NUMA1: variants seen among roughly 807,000 people sequenced by gnomAD.
NUMA1 encodes the protein SP-H antigen.
NUMA1 carries 62 observed loss-of-function variants against 237.1 expected under a neutral mutation model. The ratio of observed to expected loss-of-function variants is 0.26; its 90% CI spans 0.21 to 0.32. The LOEUF (loss-of-function observed/expected upper bound fraction) is 0.32, where lower values mean the gene tolerates loss of function less well. Ranked by LOEUF, NUMA1 falls within the 10% of genes least tolerant of loss-of-function variation. The pLI is 1.00. For synonymous variants in NUMA1, 1,028 were observed against 1,066.1 expected (o/e 0.96, Z 0.70); for missense variants, 2,533 against 2,666.5 (o/e 0.95, Z 1.10).
At chr11:72,010,694 C>T (rs947939596) in intron 17 of NUMA1, 92 bp downstream of exon 17, 12 of 1,305,340 alleles carry the variant, frequency 9.2e-6, no homozygotes, top group Admixed American at 1.8e-5. Flanking sequence ...GGGTGCCCCT[C>T]TTCTGCCCCG....
intron 2 of NUMA1, among the ~76,000 whole-genome samples, chr11:72,053,671 A>C (rs1942485915): frequency 6.6e-6 from 1 of 152,218 alleles, no homozygotes; most frequent in African/African-American, 2.4e-5. Context: ...GTATGTCTGA[A>C]GTAAGGCAAT....
At chr11:72,054,831 G>A in intron 2 of NUMA1, among the ~76,000 whole-genome samples, 1 of 152,184 alleles carries the variant, frequency 6.6e-6, no homozygotes, top group South Asian at 2.1e-4. Flanking sequence ...CCATTTGGAA[G>A]ACTGAATAAA....
chr11:72,040,444 A>G (rs1675325690), intron 2 of NUMA1, among the ~76,000 whole-genome samples: 1 of 11,986 alleles, frequency 8.3e-5, no homozygotes, highest in East Asian at 1.8e-3. Flanking sequence ...GCGCGTACAC[A>G]TACACACACA....
rs1955598250 is a variant in NUMA1 at position 72,005,110 on chromosome 11, G to A, written c.5829+123C>T. ...TCTGTTCCACCTGGAAACATGAGAA[G>A]GTCACCCTCCCCCTCCTCGGCCAGT... On this transcript the variant is annotated intron_variant, in intron 23 of 26. Coordinates refer to ENST00000393695, the MANE Select transcript of NUMA1 (RefSeq NM_006185.4). 12 of 1,160,126 alleles carry A rather than the reference G, an allele frequency of 1.0e-5. No homozygotes were observed. In the South Asian group the frequency reaches 1.9e-4, roughly 19 times the overall value. 71.9% of individuals were successfully genotyped at this position (1,160,126 alleles called of 1,614,324 possible).
At chr11:72,063,674 T>C (rs1437561620) in intron 2 of NUMA1, among the ~76,000 whole-genome samples, 7 of 149,744 alleles carry the variant, frequency 4.7e-5, no homozygotes, top group African/African-American at 1.7e-4. Flanking sequence ...CCCAGCACTT[T>C]GGGAGGCCAA....
intron 4 of NUMA1, 163 bp from the exon 5 acceptor site, chr11:72,024,516 T>C (rs1189888693): frequency 6.2e-6 from 4 of 644,710 alleles, no homozygotes; most frequent in African/African-American, 1.8e-5. Flanking sequence ...CAGGACACCA[T>C]TTATCCAGAT....
chr11:72,033,435 G>C (rs111263071), intron 3 of NUMA1, among the ~76,000 whole-genome samples: 1 of 149,742 alleles, frequency 6.7e-6, no homozygotes, highest in African/African-American at 2.5e-5. Context: ...GTAGTGGCAC[G>C]ATCACAGCTC....
At chr11:72,064,325 T>C (rs534932201) in intron 2 of NUMA1, among the ~76,000 whole-genome samples, 1 of 151,710 alleles carries the variant, frequency 6.6e-6, no homozygotes, top group African/African-American at 2.4e-5. Flanking sequence ...TAGCTGGGCA[T>C]GATGGCATGC....
At position 72,018,478 on chromosome 11, in the gene NUMA1, G is replaced by A. The variant is rs376405900; in HGVS notation, c.778C>T (p.Arg260Cys). 9.9e-6 allele frequency: 16 copies of A among 1,614,018 alleles called. No individual in the cohort carries two copies. The highest frequency in any genetic ancestry group is 8.0e-5 in the African/African-American group (6 of 74,910). ...TGCTTCTCATTCAGCAGGGCTAGGCGGTCAATGCGCTGCTGCATCATGGCT... is the reference window on the plus strand; with the variant it reads ...TGCTTCTCATTCAGCAGGGCTAGGCAGTCAATGCGCTGCTGCATCATGGCT... ...QIAMMQQRIDRLALLNEKQAA... is the reference protein window; with the variant it reads ...QIAMMQQRIDCLALLNEKQAA... Residue 260 changes from arginine to cysteine, a missense_variant, in exon 11 of 27, where the codon CGC becomes TGC. Around this residue, in one of 3 missense-constraint regions of NUMA1, gnomAD observed 1,414 missense variants for 1,508.1 expected, o/e 0.94. Transcript: ENST00000393695.
At position 72,018,972 on chromosome 11, in the gene NUMA1, G is replaced by A; in HGVS notation, c.593C>T (p.Ser198Leu). The A allele has an allele frequency of 1.2e-6, 2 of 1,613,904 alleles. No individual in the cohort carries two copies. The highest frequency in any genetic ancestry group is 1.7e-6 in the Non-Finnish European group (2 of 1,179,988). ...ASSSSGNNFL[S>L]GSPASPMGDI... The stretch of plus-strand genomic sequence containing the variant: ...ACCCATGGGAGAAGCTGGAGAACCT[G>A]AGAGAAAGCTGAGGAGGGAGAAGGC... Residue 198 changes from serine (S) to leucine (L), a missense_variant, in exon 10 of 27, where the codon TCA becomes TTA. Around this residue, in one of 3 missense-constraint regions of NUMA1, gnomAD observed 1,414 missense variants for 1,508.1 expected, o/e 0.94. Transcript: ENST00000393695.
At chr11:72,008,078 C>T (rs1170193751) in intron 20 of NUMA1, 1 of 476,260 alleles carries the variant, frequency 2.1e-6, no homozygotes, top group African/African-American at 2.0e-5. Context: ...TTAAAGGAGA[C>T]AGAATAAACC....
chr11:72,040,439 TACACATACAC>T (rs1941524513), intron 2 of NUMA1, among the ~76,000 whole-genome samples: 1 of 36,370 alleles, frequency 2.7e-5, no homozygotes. Flanking sequence ...CTGGGGCGCG[TACACATACAC>T]ACACACACAC....
intron 2 of NUMA1, among the ~76,000 whole-genome samples, chr11:72,056,305 C>T (rs969524910): frequency 5.4e-5 from 8 of 146,952 alleles, no homozygotes; most frequent in South Asian, 2.2e-4. Context: ...GCCTGAGTGA[C>T]GCAGCAAGAT....
intron 24 of NUMA1, 126 bp downstream of exon 24, chr11:72,004,514 C>T: frequency 1.6e-6 from 2 of 1,255,202 alleles, no homozygotes; most frequent in South Asian, 1.3e-5. Context: ...ATGGGTCAGG[C>T]CCTTGGAGAG....
chr11:72,059,249 A>C (rs1044704373), intron 2 of NUMA1, among the ~76,000 whole-genome samples: 2 of 152,178 alleles, frequency 1.3e-5, no homozygotes, highest in African/African-American at 4.8e-5. Flanking sequence ...ACATGTTTCC[A>C]TACCAGCAAA....
intron 4 of NUMA1, among the ~76,000 whole-genome samples, chr11:72,026,022 C>A (rs1212468910): frequency 6.6e-6 from 1 of 152,202 alleles, no homozygotes; most frequent in Admixed American, 6.5e-5. Context: ...CTGGGTTAAA[C>A]TGAACATTTT....
chr11:72,049,103 C>T (rs893172957), intron 2 of NUMA1, among the ~76,000 whole-genome samples: 3 of 152,176 alleles, frequency 2.0e-5, no homozygotes, highest in Non-Finnish European at 4.4e-5. Flanking sequence ...TTCTACAAAA[C>T]AGCTAAGAAC....
At chr11:72,079,747 A>G (rs112947363) in intron 1 of NUMA1, among the ~76,000 whole-genome samples, 6 of 141,472 alleles carry the variant, frequency 4.2e-5, no homozygotes, top group African/African-American at 8.6e-5. Flanking sequence ...ACAAACAAAA[A>G]TTAAAAAAAA....
chr11:72,035,791 G>T, intron 3 of NUMA1, 111 bp downstream of exon 3: 2 of 953,132 alleles, frequency 2.1e-6, no homozygotes, highest in African/African-American at 1.6e-5. Flanking sequence ...AAACTATTTA[G>T]TCTAGAAATG....
Sources: allele counts gnomAD v4.1 joint callset (sites outside exome capture counted in the v4.1 genomes callset), GRCh38; gene constraint gnomAD v4.1.1; regional missense constraint gnomAD v4.1.1; transcripts MANE v1.5; gene names NCBI Gene and HGNC (gene_info 2026-07-23, HGNC 2026-07-21).